TUBA1C: variants seen among roughly 807,000 people sequenced by gnomAD.
TUBA1C encodes the protein tubulin alpha 1c, also known as tubulin alpha-1C chain.
TUBA1C carries 16 observed loss-of-function variants against 34.9 expected under a neutral mutation model. The ratio of observed to expected loss-of-function variants is 0.46; its 90% CI spans 0.31 to 0.70. The LOEUF (loss-of-function observed/expected upper bound fraction) is 0.70. TUBA1C is among the 30% of genes least tolerant of loss of function. TUBA1C has a pLI of 0.05. For synonymous variants in TUBA1C, 177 were observed against 215.9 expected, an observed-to-expected ratio of 0.82 and a Z score of 1.58; for missense variants, 329 against 587.3, an observed-to-expected ratio of 0.56 and a Z score of 4.55.
intron 3 of TUBA1C, 136 bp from the exon 4 acceptor site, chr12:49,272,117 T>TGC: frequency 6.9e-7 from 1 of 1,448,592 alleles, no homozygotes; most frequent in South Asian, 1.5e-5. Context: ...CGTGAGCCAC[T>TGC]GCGCCTGGCC....
intron 1 of TUBA1C, among the ~76,000 whole-genome samples, chr12:49,235,584 G>A (rs150441159): frequency 0.066 from 10,084 of 151,952 alleles, 429 homozygotes; most frequent in African/African-American, 0.12. Context: ...AAAATACAAA[G>A]AGTAGCTGGG....
At chr12:49,230,915 C>A (rs1462190583) in intron 1 of TUBA1C, among the ~76,000 whole-genome samples, 1 of 152,078 alleles carries the variant, frequency 6.6e-6, no homozygotes, top group Non-Finnish European at 1.5e-5. Context: ...TAAGCGTAAT[C>A]CTAATAGTAA....
intron 1 of TUBA1C, among the ~76,000 whole-genome samples, chr12:49,242,514 C>T (rs1433254266): frequency 6.6e-6 from 1 of 152,136 alleles, no homozygotes; most frequent in Admixed American, 6.5e-5. Flanking sequence ...GTCACTCAGG[C>T]TGGAGTGCAG....
At chr12:49,248,451 C>T (rs1942697065) in intron 1 of TUBA1C, among the ~76,000 whole-genome samples, 1 of 151,490 alleles carries the variant, frequency 6.6e-6, no homozygotes, top group African/African-American at 2.4e-5. Context: ...GCCTATAGTC[C>T]CAGCTACTCA....
At chr12:49,241,445 G>A (rs1219467869) in intron 1 of TUBA1C, among the ~76,000 whole-genome samples, 1 of 152,176 alleles carries the variant, frequency 6.6e-6, no homozygotes, top group Non-Finnish European at 1.5e-5. Flanking sequence ...AGAGTGACAA[G>A]GAGCATGAAT....
intron 1 of TUBA1C, among the ~76,000 whole-genome samples, chr12:49,256,669 G>A (rs1015484086): frequency 3.3e-5 from 5 of 152,202 alleles, no homozygotes; most frequent in African/African-American, 1.2e-4. Flanking sequence ...AAGGAAAAAG[G>A]TATATGGACT....
chr12:49,267,373 A>T (rs921239225), intron 1 of TUBA1C, among the ~76,000 whole-genome samples: 4 of 152,112 alleles, frequency 2.6e-5, no homozygotes, highest in African/African-American at 9.7e-5. Context: ...AAAGGTAAAC[A>T]TGATGCCGGG....
chr12:49,273,892 C>T lies in TUBA1C; in HGVS notation c.*665C>T, dbSNP rs1943028521. The T allele has an allele frequency of 1.3e-5, 2 of 155,034 alleles. No individual in the cohort carries two copies. Among genetic ancestry groups the T allele is most frequent in the African/African-American group, 4.8e-5 (2 of 41,396 alleles). 9.6% of individuals were successfully genotyped at this position (155,034 alleles called of 1,614,324 possible). ...GGATCACGAGCCCAGGAATTCGAGACCAGCCTGGGCAACATGGTGAAAACC... is the reference window on the plus strand; with the variant it reads ...GGATCACGAGCCCAGGAATTCGAGATCAGCCTGGGCAACATGGTGAAAACC... On this transcript the variant is annotated 3_prime_UTR_variant, in exon 4 of 4. Transcript: ENST00000301072.
At position 49,272,965 on chromosome 12, in the gene TUBA1C, T is replaced by C. The variant is rs1943013859; in HGVS notation, c.1088T>C (p.Val363Ala). The change falls in exon 4 of 4, where the codon GTG becomes GCG. Residue 363 changes from valine (V) to alanine (A), a missense_variant. Transcript: ENST00000301072. ...VGINYQPPTVVPGGDLAKVQR... is the reference protein window; with the variant it reads ...VGINYQPPTVAPGGDLAKVQR... ...ATTAATTACCAGCCTCCCACTGTGG[T>C]GCCTGGCGGAGACCTGGCCAAGGTA... 2 of 1,614,120 alleles carry C rather than the reference T, an allele frequency of 1.2e-6. No homozygotes were observed. Among genetic ancestry groups the C allele is most frequent in the Non-Finnish European group, 1.7e-6 (2 of 1,180,048 alleles).
At chr12:49,260,906 T>A (rs981741867), upstream of TUBA1C, among the ~76,000 whole-genome samples, 11 of 152,084 alleles carry the variant, frequency 7.2e-5, no homozygotes, top group Admixed American at 5.9e-4. Flanking sequence ...ATTTTTTTTT[T>A]AATTTTCATA....
At chr12:49,238,857 C>T (rs530847904) in intron 1 of TUBA1C, among the ~76,000 whole-genome samples, 2 of 152,236 alleles carry the variant, frequency 1.3e-5, no homozygotes, top group African/African-American at 4.8e-5. Flanking sequence ...CAAGCGTCCA[C>T]GCCGTCCCTG....
intron 1 of TUBA1C, among the ~76,000 whole-genome samples, chr12:49,243,535 C>T (rs1942638997): frequency 6.6e-6 from 1 of 152,168 alleles, no homozygotes; most frequent in Non-Finnish European, 1.5e-5. Context: ...CCAATTATCC[C>T]TTTGCTTGGG....
chr12:49,241,893 G>A (rs1027304963), intron 1 of TUBA1C, among the ~76,000 whole-genome samples: 52 of 151,760 alleles, frequency 3.4e-4, no homozygotes, highest in African/African-American at 1.1e-3. Flanking sequence ...TGGGCAATCC[G>A]CTCACCTCAG....
rs774334471 is a variant in TUBA1C, at chr12:49,272,766, G to A, written c.889G>A (p.Glu297Lys). The part of the protein sequence containing the change: ...TVAEITNACF[E>K]PANQMVKCDP... ...AGCAGAGATCACCAATGCTTGCTTT[G>A]AGCCAGCCAACCAGATGGTGAAATG... Residue 297 changes from glutamate (E) to lysine (K), a missense_variant, in exon 4 of 4, where the codon GAG becomes AAG. By Grantham distance (56) the Glu-to-Lys change is moderately conservative. Transcript: ENST00000301072. 4 of 1,613,660 alleles carry A rather than the reference G, an allele frequency of 2.5e-6. No individual in the cohort carries two copies. Among genetic ancestry groups the A allele is most frequent in the Non-Finnish European group, 3.4e-6 (4 of 1,180,014 alleles).
At chr12:49,264,590 AC>A (rs1469734067), upstream of TUBA1C, 1 of 151,988 alleles carries the variant, frequency 6.6e-6, no homozygotes, top group Non-Finnish European at 1.5e-5. Context: ...AGCCGCGGGG[AC>A]CGGGGGCGAG....
upstream of TUBA1C, among the ~76,000 whole-genome samples, chr12:49,262,798 T>A (rs189743685): frequency 1.3e-3 from 192 of 152,138 alleles, no homozygotes; most frequent in Middle Eastern, 6.8e-3. Context: ...AATAATAATT[T>A]AGCATATTTT....
upstream of TUBA1C, among the ~76,000 whole-genome samples, chr12:49,261,703 T>C (rs916252379): frequency 1.3e-5 from 2 of 152,230 alleles, no homozygotes; most frequent in African/African-American, 2.4e-5. Context: ...GCATTACTAG[T>C]ATCTCAGCAA....
intron 1 of TUBA1C, among the ~76,000 whole-genome samples, chr12:49,234,512 G>T (rs1416321472): frequency 1.3e-5 from 2 of 152,204 alleles, no homozygotes; most frequent in Admixed American, 1.3e-4. Flanking sequence ...GTACGGTGAC[G>T]TGCAGCGCCA....
chr12:49,254,305 C>G (rs1278636300), intron 1 of TUBA1C, among the ~76,000 whole-genome samples: 2 of 151,332 alleles, frequency 1.3e-5, no homozygotes, highest in African/African-American at 2.4e-5. Context: ...GAGTGAAACT[C>G]CATCTCAAGA....
Sources: gnomAD v4.1 joint callset for allele counts (sites outside exome capture counted in the v4.1 genomes callset) on GRCh38, gnomAD v4.1.1 for gene constraint, MANE v1.5 for transcripts, NCBI Gene and HGNC (gene_info 2026-07-23, HGNC 2026-07-21) for gene names.